The following ITGB8 variants were observed in gnomAD, a reference collection of about 807,000 sequenced individuals.
The protein encoded by ITGB8 is integrin subunit beta 8.
In ITGB8, 30 loss-of-function variants were observed where a neutral mutation model predicts 89.5. The ratio of observed to expected loss-of-function variants is 0.34; its 90% CI spans 0.25 to 0.45. ITGB8 has a LOEUF of 0.45. Among genes scored for constraint, ITGB8 ranks in the 20% least tolerant of loss-of-function variants. The pLI is 1.00. For synonymous variants in ITGB8, 335 were observed against 320.4 expected, an observed-to-expected ratio of 1.05 and a Z score of -0.49; for missense variants, 836 against 933.3, an observed-to-expected ratio of 0.90 and a Z score of 1.36.
At chr7:20,384,534 T>TA (rs1786527202) in intron 6 of ITGB8, among the ~76,000 whole-genome samples, 1 of 152,198 alleles carries the variant, frequency 6.6e-6, no homozygotes. Context: ...TATAAGGTAG[T>TA]CATAATTAGC....
chr7:20,382,317 A>C (rs1786432743), intron 6 of ITGB8, among the ~76,000 whole-genome samples: 1 of 152,200 alleles, frequency 6.6e-6, no homozygotes, highest in Admixed American at 6.5e-5. Flanking sequence ...AAAAGACAAG[A>C]GAGAAAGAGA....
At chr7:20,354,046 A>G (rs1162319663) in intron 1 of ITGB8, among the ~76,000 whole-genome samples, 1 of 151,122 alleles carries the variant, frequency 6.6e-6, no homozygotes, top group East Asian at 1.9e-4. Flanking sequence ...GCCTTTTGTG[A>G]TAAATAGGTT....
chr7:20,334,238 C>T (rs1313208457), intron 1 of ITGB8, among the ~76,000 whole-genome samples: 1 of 152,064 alleles, frequency 6.6e-6, no homozygotes, highest in East Asian at 1.9e-4. Context: ...GAAGATTACC[C>T]ACAGCTAGAG....
At position 20,411,146 on chromosome 7, in the gene ITGB8, C is replaced by CTTTTTTTTTTTTTTTTTTTTTTTTTTT. The variant is rs66469619; in HGVS notation, c.*1174_*1175insTTTTTTTTTTTTTTTTTTTTTTTTTTT. On this transcript the variant is annotated 3_prime_UTR_variant, in exon 14 of 14. Coordinates refer to ENST00000222573, the MANE Select transcript of ITGB8 (RefSeq NM_002214.3). ...GAATAGATGATATCTTAGAAATAAG[C>CTTTTTTTTTTTTTTTTTTTTTTTTTTT]TTTTTTTTTTTTTTTTTTTTTTTTT... The CTTTTTTTTTTTTTTTTTTTTTTTTTTT allele has an allele frequency of 1.7e-5, 1 of 60,352 alleles. No homozygotes were observed. The highest frequency in any genetic ancestry group is 2.9e-5 in the Non-Finnish European group (1 of 34,682). 3.7% of individuals were successfully genotyped at this position (60,352 alleles called of 1,614,324 possible).
rs776261602 is a variant in ITGB8 at position 20,367,137 on chromosome 7, A to C, written c.339A>C (p.Glu113Asp). 2 of 1,612,846 alleles carry C rather than the reference A, an allele frequency of 1.2e-6. No individual in the cohort carries two copies. The highest frequency in any genetic ancestry group is 1.7e-5 in the Admixed American group (1 of 59,960). ...ATGTTATAATACCCACTGAAAATGA[A>C]ATTAATACCCAGGTGACACCAGGAG... is the stretch of plus-strand genomic sequence containing the variant. Reference protein sequence around the residue: ...SVHVIIPTENEINTQVTPGEV... With the variant: ...SVHVIIPTENDINTQVTPGEV... Residue 113 changes from glutamate (E) to aspartate (D), a missense_variant, in exon 3 of 14, where the codon GAA becomes GAC. Glu to Asp is a conservative substitution (Grantham distance 45, BLOSUM62 2). This residue lies in a region of ITGB8 where 182 missense variants were observed against 177.0 expected (regional missense o/e 1.03). Transcript: ENST00000222573.
chr7:20,339,836 T>G (rs550527243), intron 1 of ITGB8, among the ~76,000 whole-genome samples: 1 of 152,264 alleles, frequency 6.6e-6, no homozygotes, highest in East Asian at 1.9e-4. Flanking sequence ...AAGACCAGCC[T>G]GGCCAATATG....
chr7:20,405,646 C>T (rs1419076288), intron 11 of ITGB8, among the ~76,000 whole-genome samples: 1 of 151,920 alleles, frequency 6.6e-6, no homozygotes, highest in Non-Finnish European at 1.5e-5. Flanking sequence ...TGATAAAGAA[C>T]AATGGTGTCT....
intron 12 of ITGB8, among the ~76,000 whole-genome samples, chr7:20,408,241 C>T (rs537646755): frequency 2.0e-5 from 3 of 152,228 alleles, no homozygotes; most frequent in South Asian, 4.2e-4. Context: ...TCAAAAGACA[C>T]CAATTTTGAG....
intron 3 of ITGB8, among the ~76,000 whole-genome samples, chr7:20,378,684 C>T (rs928401014): frequency 4.6e-5 from 7 of 151,950 alleles, no homozygotes; most frequent in Non-Finnish European, 1.0e-4. Flanking sequence ...GATCGAATGC[C>T]GCTTGCTGGT....
intron 1 of ITGB8, among the ~76,000 whole-genome samples, chr7:20,345,249 A>G (rs1269291996): frequency 1.3e-5 from 2 of 152,200 alleles, no homozygotes; most frequent in Admixed American, 6.5e-5. Flanking sequence ...ATAATTTTAA[A>G]ATCTAAGATG....
In ITGB8 at chr7:20,415,298, T is replaced by G. The variant is rs1359068194; in HGVS notation, c.*5301T>G. The G allele has an allele frequency of 6.6e-6, 1 of 151,908 alleles. No homozygotes were observed. The highest frequency in any genetic ancestry group is 1.5e-5 in the Non-Finnish European group (1 of 67,888). The allele number at this position is 151,908 out of a possible 1,614,324, so 9.4% of individuals were successfully genotyped here. On this transcript the variant is annotated 3_prime_UTR_variant, in exon 14 of 14. Coordinates refer to ENST00000222573, the MANE Select transcript of ITGB8 (RefSeq NM_002214.3). ...GAACTTCTGAAAAAAATTAGAAATGTATTAAACTTATCAGTAACATAAAAA... is the reference window on the plus strand; with the variant it reads ...GAACTTCTGAAAAAAATTAGAAATGGATTAAACTTATCAGTAACATAAAAA...
chr7:20,381,730 C>T lies in ITGB8; in HGVS notation c.805C>T (p.His269Tyr), dbSNP rs780988930. The T allele has an allele frequency of 1.2e-5, 19 of 1,605,034 alleles. No individual in the cohort carries two copies. The Admixed American group carries it at 2.9e-4, about 25-fold the overall frequency. The change falls in exon 6 of 14, where the codon CAT becomes TAT. Residue 269 changes from histidine to tyrosine, a missense_variant. Physicochemically the swap from His to Tyr is moderately conservative, Grantham distance 83. Coordinates refer to ENST00000222573, the MANE Select transcript of ITGB8 (RefSeq NM_002214.3). ...AMLQAAVCESHIGWRKEAKRL... is the reference protein window; with the variant it reads ...AMLQAAVCESYIGWRKEAKRL... The stretch of plus-strand genomic sequence containing the variant: ...TAATTACATGTTTATTTTTAAGAGT[C>T]ATATCGGATGGCGAAAAGAGGCTAA...
At chr7:20,387,821 G>A (rs1346016431) in intron 6 of ITGB8, among the ~76,000 whole-genome samples, 2 of 152,118 alleles carry the variant, frequency 1.3e-5, no homozygotes, top group Non-Finnish European at 2.9e-5. Context: ...TTAACTATCA[G>A]GACAGATGTT....
rs1282546417 is a variant in ITGB8 at position 20,409,924 on chromosome 7, G to GT, written c.2238dup (p.Glu747Ter). ...TGCACAAGAGCAGTCACCTACCGACGTGAGAAGCCTGAAGAAATAAAAATG... is the reference window on the plus strand; with the variant it reads ...TGCACAAGAGCAGTCACCTACCGACGTTGAGAAGCCTGAAGAAATAAAAATG... On this transcript the variant is annotated frameshift_variant, in exon 14 of 14. Coordinates refer to ENST00000222573, the MANE Select transcript of ITGB8 (RefSeq NM_002214.3). LOFTEE classifies it high-confidence loss of function. 15 of 1,613,496 alleles carry GT rather than the reference G, an allele frequency of 9.3e-6. No homozygotes were observed. Among genetic ancestry groups the GT allele is most frequent in the Non-Finnish European group, 1.2e-5 (14 of 1,179,726 alleles).
intron 1 of ITGB8, among the ~76,000 whole-genome samples, chr7:20,340,244 T>A (rs1187867585): frequency 6.6e-6 from 1 of 152,176 alleles, no homozygotes; most frequent in Non-Finnish European, 1.5e-5. Flanking sequence ...CTATTCCAGA[T>A]AAATATTGGT....
chr7:20,394,836 T>C (rs1787005800), intron 7 of ITGB8, 60 bp from the exon 8 acceptor site: 2 of 1,089,974 alleles, frequency 1.8e-6, no homozygotes, highest in African/African-American at 3.1e-5. Flanking sequence ...TACTATTTGT[T>C]GGTTGCTAAC....
Position 20,411,895 on chromosome 7 carries a change from A to G in ITGB8, c.*1898A>G, listed in dbSNP as rs541485656. The G allele has an allele frequency of 2.0e-4, 31 of 152,564 alleles. No homozygotes were observed. Among genetic ancestry groups the G allele is most frequent in the African/African-American group, 7.2e-4 (30 of 41,562 alleles). The allele number at this position is 152,564 out of a possible 1,614,324, so 9.5% of individuals were successfully genotyped here. On this transcript the variant is annotated 3_prime_UTR_variant, in exon 14 of 14. Transcript: ENST00000222573. Reference sequence around the variant, plus strand: ...CGGGCCATGAGCCCTGTCTTCCCCAATGGAAATTTATTTACACTTACCTTA... The same window carrying G: ...CGGGCCATGAGCCCTGTCTTCCCCAGTGGAAATTTATTTACACTTACCTTA...
chr7:20,330,995 C>A lies in ITGB8; in HGVS notation c.-812C>A, dbSNP rs1784363548. On this transcript the variant is annotated 5_prime_UTR_variant, in exon 1 of 14. Transcript: ENST00000222573. ...GGCACGCAGCCCCCGCCCCGCGAAG[C>A]CGGGCTCCGGCACCTCGCGGAACCT... 1.3e-5 allele frequency: 2 copies of A among 152,450 alleles called. No homozygotes were observed. The highest frequency in any genetic ancestry group is 4.8e-5 in the African/African-American group (2 of 41,480). 9.4% of individuals were successfully genotyped at this position (152,450 alleles called of 1,614,324 possible). A position where few individuals can be genotyped will look rare whatever the true frequency, so the allele number is the denominator to read the frequency against.
chr7:20,330,899 C>T (rs1784357341), upstream of ITGB8: 1 of 152,516 alleles, frequency 6.6e-6, no homozygotes, highest in Non-Finnish European at 1.5e-5. Flanking sequence ...GTGTGCACCC[C>T]AGAGCGCGCC....
Sources: allele counts gnomAD v4.1 joint callset (sites outside exome capture counted in the v4.1 genomes callset), GRCh38; gene constraint gnomAD v4.1.1; regional missense constraint gnomAD v4.1.1; transcripts MANE v1.5; gene names NCBI Gene and HGNC (gene_info 2026-07-23, HGNC 2026-07-21).